KAT14: variants seen among roughly 807,000 people sequenced by gnomAD.
KAT14 encodes cysteine-rich protein 2-binding protein.
Under a neutral mutation model 78.4 loss-of-function variants are expected in KAT14, and 66 were observed. The ratio of observed to expected loss-of-function variants is 0.84; its 90% confidence interval spans 0.69 to 1.03. KAT14 has a LOEUF of 1.03. Among genes scored for constraint, KAT14 ranks in the 50% least tolerant of loss-of-function variants. KAT14 has a pLI of 0.00. For missense variants in KAT14, 870 were observed against 972.5 expected, an observed-to-expected ratio of 0.89 and a Z score of 1.40; for synonymous variants, 344 against 359.4, an observed-to-expected ratio of 0.96 and a Z score of 0.48.
chr20:18,143,615 A>ATTTTTTTTTTTTTTTTTTT (rs201858697), intron 2 of KAT14, among the ~76,000 whole-genome samples: 1 of 103,998 alleles, frequency 9.6e-6, no homozygotes. Context: ...CACCTGGCTA[A>ATTTTTTTTTTTTTTTTTTT]TTTTTTTTTT....
chr20:18,170,623 C>T (rs1353422374), intron 7 of KAT14, among the ~76,000 whole-genome samples: 2 of 152,208 alleles, frequency 1.3e-5, no homozygotes, highest in African/African-American at 2.4e-5. Context: ...CAAGCTCCAC[C>T]TCCCAGGTTC....
At chr20:18,146,907 C>A (rs2037849795) in intron 3 of KAT14, among the ~76,000 whole-genome samples, 1 of 151,982 alleles carries the variant, frequency 6.6e-6, no homozygotes, top group African/African-American at 2.4e-5. Context: ...TCAACAGATA[C>A]TGAGTACCTG....
Position 18,138,108 on chromosome 20 carries a change from C to T in KAT14, c.-454+57C>T, listed in dbSNP as rs543047684. On this transcript the variant is annotated intron_variant, in intron 1 of 10. Transcript: ENST00000688188. ...CGCGCGCGCGGCGTCGACCTGGGGC[C>T]TCTCGTGGTCTCTGCCCGCTCGGTT... 3.0e-5 allele frequency: 43 copies of T among 1,419,292 alleles called. No individual in the cohort carries two copies. The African/African-American group carries it at 5.7e-4, about 19-fold the overall frequency. 87.9% of individuals were successfully genotyped at this position (1,419,292 alleles called of 1,614,324 possible). A position where few individuals can be genotyped will look rare whatever the true frequency, so the allele number is the denominator to read the frequency against.
chr20:18,153,999 T>A (rs1009584734), intron 4 of KAT14, among the ~76,000 whole-genome samples: 2 of 152,238 alleles, frequency 1.3e-5, no homozygotes, highest in Non-Finnish European at 1.5e-5. Context: ...CAGTAAACTT[T>A]CTTTTGATCT....
Position 18,162,834 on chromosome 20 carries a change from G to C in KAT14, c.1557G>C (p.Leu519Phe). The C allele has an allele frequency of 6.2e-7, 1 of 1,614,186 alleles. No homozygotes were observed. ...ATCAAGTTGTTAATGCTGCTCTTTTGTTAGTTGACGGGATTTATGGAGCCA... is the reference window on the plus strand; with the variant it reads ...ATCAAGTTGTTAATGCTGCTCTTTTCTTAGTTGACGGGATTTATGGAGCCA... ...DLDQVVNAAL[L>F]LVDGIYGAKE... is the part of the protein sequence containing the mutation. The change falls in exon 7 of 11, where the codon TTG (leucine) becomes TTC (phenylalanine). Residue 519 changes from leucine to phenylalanine, a missense_variant. Coordinates refer to ENST00000688188, the MANE Select transcript of KAT14 (RefSeq NM_001392073.1).
intron 2 of KAT14, among the ~76,000 whole-genome samples, chr20:18,144,843 A>G (rs1452937963): frequency 2.6e-5 from 4 of 152,206 alleles, no homozygotes; most frequent in Non-Finnish European, 5.9e-5. Flanking sequence ...GAGATCAGGC[A>G]CCATTATCTG....
chr20:18,158,225 C>T (rs765620495), intron 4 of KAT14, among the ~76,000 whole-genome samples: 1 of 152,182 alleles, frequency 6.6e-6, no homozygotes, highest in Non-Finnish European at 1.5e-5. Context: ...CGTGAGCCAC[C>T]GCACCCAGCC....
intron 2 of KAT14, among the ~76,000 whole-genome samples, chr20:18,143,380 G>A (rs1449430658): frequency 6.6e-6 from 1 of 151,970 alleles, no homozygotes; most frequent in Admixed American, 6.6e-5. Flanking sequence ...TCTAGGACCA[G>A]TCTTTTTTTC....
chr20:18,139,703 C>A (rs577212441), intron 1 of KAT14, among the ~76,000 whole-genome samples: 10 of 147,370 alleles, frequency 6.8e-5, no homozygotes, highest in African/African-American at 2.5e-4. Context: ...ATGTCCGGTT[C>A]TTCATTAGGG....
At chr20:18,148,459 G>A (rs555303886) in intron 3 of KAT14, among the ~76,000 whole-genome samples, 1 of 152,120 alleles carries the variant, frequency 6.6e-6, no homozygotes, top group Admixed American at 6.6e-5. Flanking sequence ...ATCTTTGCTT[G>A]TTATTTTTCT....
At chr20:18,162,978 G>C in intron 7 of KAT14, 33 bp downstream of exon 7, 1 of 1,599,458 alleles carries the variant, frequency 6.3e-7, no homozygotes, top group Non-Finnish European at 8.5e-7. Context: ...AAGCCCTTGG[G>C]GGCAGGAGTG....
chr20:18,183,711 GT>G, intron 9 of KAT14: 2 of 229,870 alleles, frequency 8.7e-6, no homozygotes, highest in Non-Finnish European at 1.4e-5. Context: ...GCCAGAAGGT[GT>G]TTTTTAAAAG....
Position 18,137,969 on chromosome 20 carries a change from C to G in KAT14, c.-536C>G. The G allele has an allele frequency of 6.7e-7, 1 of 1,498,208 alleles. No individual in the cohort carries two copies. The highest frequency in any genetic ancestry group is 2.8e-5 in the East Asian group (1 of 35,970). The allele number at this position is 1,498,208 out of a possible 1,614,324, so 92.8% of individuals were successfully genotyped here. ...GCCAGCGTGGGGATGTCTAGGAGCTCGAAGGTGGTGCTGGGCCTCTCGGTG... is the reference window on the plus strand; with the variant it reads ...GCCAGCGTGGGGATGTCTAGGAGCTGGAAGGTGGTGCTGGGCCTCTCGGTG... On this transcript the variant is annotated 5_prime_UTR_variant, in exon 1 of 11. Transcript: ENST00000688188.
intron 2 of KAT14, 113 bp downstream of exon 2, chr20:18,143,032 TTTA>T: frequency 6.9e-7 from 1 of 1,455,710 alleles, no homozygotes; most frequent in East Asian, 2.5e-5. Context: ...GATAATTATA[TTTA>T]TTCTCTAGTT....
chr20:18,181,532 G>A (rs562966891), intron 7 of KAT14, among the ~76,000 whole-genome samples, 178 bp from the exon 8 acceptor site: 4 of 152,032 alleles, frequency 2.6e-5, no homozygotes, highest in South Asian at 2.1e-4. Context: ...CACCACGGCC[G>A]GCTAATTTTT....
chr20:18,151,819 C>T (rs1358564075), intron 4 of KAT14, among the ~76,000 whole-genome samples: 1 of 151,398 alleles, frequency 6.6e-6, no homozygotes, highest in African/African-American at 2.4e-5. Flanking sequence ...GCCTCGCCAA[C>T]ATGGTGAAAC....
At chr20:18,186,154 T>C (rs1229584343) in intron 10 of KAT14, among the ~76,000 whole-genome samples, 3 of 152,152 alleles carry the variant, frequency 2.0e-5, no homozygotes, top group Non-Finnish European at 4.4e-5. Context: ...ACATGAGGGC[T>C]GGTACAGAGT....
upstream of KAT14, chr20:18,137,751 A>C (rs540107365): frequency 4.3e-3 from 2,081 of 479,822 alleles, 9 homozygotes; most frequent in Non-Finnish European, 6.1e-3. Context: ...GCCCCTAGTG[A>C]AGCCAAGAGT....
intron 7 of KAT14, among the ~76,000 whole-genome samples, chr20:18,163,259 C>T (rs2038514959): frequency 6.6e-6 from 1 of 152,170 alleles, no homozygotes; most frequent in African/African-American, 2.4e-5. Flanking sequence ...TGTGTCGTAG[C>T]TTTGACAAAT....
Sources: gnomAD v4.1 joint callset for allele counts (sites outside exome capture counted in the v4.1 genomes callset) on GRCh38, gnomAD v4.1.1 for gene constraint, MANE v1.5 for transcripts, NCBI Gene and HGNC (gene_info 2026-07-23, HGNC 2026-07-21) for gene names.